The following ANO4 variants were observed in gnomAD, a reference collection of about 807,000 sequenced individuals.
ANO4 encodes the protein anoctamin 4.
Under a neutral mutation model 141.9 loss-of-function variants are expected in ANO4, and 69 were observed. That is an observed-to-expected ratio of 0.49 (90% CI 0.40 to 0.59). The LOEUF (loss-of-function observed/expected upper bound fraction) is 0.59. Among genes scored for constraint, ANO4 ranks in the 20% least tolerant of loss-of-function variants. The probability of loss-of-function intolerance (pLI) is 0.00; values close to 1 mark genes in which losing one functional copy is unlikely to be tolerated. For missense variants in ANO4, 894 were observed against 1,162.2 expected, an observed-to-expected ratio of 0.77 and a Z score of 3.36; for synonymous variants, 350 against 394.3, an observed-to-expected ratio of 0.89 and a Z score of 1.33.
chr12:100,759,544 A>G (rs901283304), intron 3 of ANO4, among the ~76,000 whole-genome samples: 6 of 152,206 alleles, frequency 3.9e-5, no homozygotes, highest in African/African-American at 9.6e-5. Flanking sequence ...CTAACTTGGT[A>G]AGACCCGAGA....
intron 1 of ANO4, among the ~76,000 whole-genome samples, chr12:100,813,382 G>T (rs2035557751): frequency 6.6e-6 from 1 of 152,126 alleles, no homozygotes; most frequent in East Asian, 1.9e-4. Flanking sequence ...AGGTTTGAAG[G>T]GAATGAATTC....
chr12:100,854,136 T>G (rs2135861933), intron 1 of ANO4, among the ~76,000 whole-genome samples: 1 of 152,310 alleles, frequency 6.6e-6, no homozygotes, highest in South Asian at 2.1e-4. Flanking sequence ...ATGAATATAG[T>G]GTTGCTAAGT....
chr12:100,725,912 A>G (rs1030089350), intron 1 of ANO4, among the ~76,000 whole-genome samples: 1 of 152,138 alleles, frequency 6.6e-6, no homozygotes, highest in African/African-American at 2.4e-5. Context: ...TTAACCCTCC[A>G]GGTGCCATTA....
rs150373584 is a variant in ANO4, at chr12:101,036,406, T to C, written c.842-689T>C. 2.1e-3 allele frequency among the ~76,000 whole-genome samples: 322 copies of C among 152,332 alleles called. 2 individuals carry two copies. Among genetic ancestry groups the C allele is most frequent in the African/African-American group, 6.6e-3 (273 of 41,582 alleles). On this transcript the variant is annotated intron_variant, in intron 9 of 27. Coordinates refer to ENST00000392977, the MANE Select transcript of ANO4 (RefSeq NM_001286615.2). Reference sequence around the variant, plus strand: ...AGAGATATCTGCACGTCCATGTTCATTGCAGCATTATTTACAATAGCCAAG... The same window carrying C: ...AGAGATATCTGCACGTCCATGTTCACTGCAGCATTATTTACAATAGCCAAG...
chr12:101,071,692 A>G (rs2048818050), intron 14 of ANO4, among the ~76,000 whole-genome samples: 2 of 152,158 alleles, frequency 1.3e-5, no homozygotes. Flanking sequence ...AACTAAAATA[A>G]TATAACTGGA....
chr12:100,748,334 A>C (rs1349905680), intron 3 of ANO4, among the ~76,000 whole-genome samples: 1 of 152,180 alleles, frequency 6.6e-6, no homozygotes, highest in Non-Finnish European at 1.5e-5. Flanking sequence ...TGATGTGACC[A>C]CGAGATGCAG....
At chr12:101,035,673 C>T (rs1054325647) in intron 9 of ANO4, among the ~76,000 whole-genome samples, 5 of 152,166 alleles carry the variant, frequency 3.3e-5, no homozygotes, top group African/African-American at 1.2e-4. Flanking sequence ...CATAATGAAG[C>T]TTCTGAATGA....
chr12:100,789,585 T>A (rs1267682882), intron 3 of ANO4, among the ~76,000 whole-genome samples: 2 of 152,248 alleles, frequency 1.3e-5, no homozygotes, highest in African/African-American at 4.8e-5. Context: ...GGACAAGTTT[T>A]ATGCTTCTCA....
intron 1 of ANO4, among the ~76,000 whole-genome samples, chr12:100,807,532 G>A (rs1338363304): frequency 6.6e-6 from 1 of 152,054 alleles, no homozygotes; most frequent in Non-Finnish European, 1.5e-5. Context: ...TTGGAGAAAG[G>A]GTTAAATTAA....
At chr12:100,914,199 T>C (rs1368507019) in intron 2 of ANO4, among the ~76,000 whole-genome samples, 1 of 152,248 alleles carries the variant, frequency 6.6e-6, no homozygotes, top group Non-Finnish European at 1.5e-5. Context: ...GATCATGATC[T>C]TACCAATCCT....
At chr12:100,770,687 C>T (rs1341198780) in intron 3 of ANO4, among the ~76,000 whole-genome samples, 12 of 152,090 alleles carry the variant, frequency 7.9e-5, no homozygotes, top group East Asian at 7.7e-4. Flanking sequence ...ATATTTAACC[C>T]CCTGTTTCTG....
chr12:101,123,393 C>G (rs1207364059), intron 26 of ANO4, among the ~76,000 whole-genome samples: 2 of 152,158 alleles, frequency 1.3e-5, no homozygotes, highest in Admixed American at 1.3e-4. Flanking sequence ...CCACGGTCAT[C>G]TGCTGCACAG....
rs748480361 is a variant in ANO4, at chr12:101,086,692, C to T, written c.1569C>T (p.Ile523=). 3 of 1,613,668 alleles carry T rather than the reference C, an allele frequency of 1.9e-6. No individual in the cohort carries two copies. The highest frequency in any genetic ancestry group is 1.3e-5 in the African/African-American group (1 of 74,884). The change falls in exon 17 of 28, where the codon ATC becomes ATT. Residue 523 remains isoleucine (I), a synonymous_variant. Coordinates refer to ENST00000392977, the MANE Select transcript of ANO4 (RefSeq NM_001286615.2). ...ICVVIAAVFG[I]VIYRVVTVST... is the part of the protein sequence containing the mutation. ...TGGTGATTGCTGCCGTGTTCGGGAT[C>T]GTCATTTACCGGGTGGTGACTGTCA...
At chr12:100,953,548 T>C (rs553188690) in intron 5 of ANO4, among the ~76,000 whole-genome samples, 1 of 152,370 alleles carries the variant, frequency 6.6e-6, no homozygotes, top group Admixed American at 6.5e-5. Flanking sequence ...CATTTCCAGA[T>C]GAAGTAATTC....
chr12:101,035,458 G>A (rs1355873185), intron 9 of ANO4, among the ~76,000 whole-genome samples: 2 of 152,064 alleles, frequency 1.3e-5, no homozygotes, highest in Admixed American at 1.3e-4. Context: ...TCGTACTGAT[G>A]GTCTTATGAG....
At chr12:100,926,821 A>G (rs1197260682) in intron 3 of ANO4, among the ~76,000 whole-genome samples, 2 of 152,040 alleles carry the variant, frequency 1.3e-5, no homozygotes, top group Non-Finnish European at 2.9e-5. Flanking sequence ...AGAAATTGCA[A>G]GAGAGATGCC....
chr12:100,726,227 C>A (rs2031110900), intron 1 of ANO4, among the ~76,000 whole-genome samples: 1 of 152,040 alleles, frequency 6.6e-6, no homozygotes, highest in Non-Finnish European at 1.5e-5. Context: ...CTGTGTTAAA[C>A]TTCAGTAAAA....
chr12:100,982,387 GGTTA>G (rs2044507102), intron 7 of ANO4, among the ~76,000 whole-genome samples: 1 of 152,164 alleles, frequency 6.6e-6, no homozygotes, highest in African/African-American at 2.4e-5. Context: ...GGTGCTTTCT[GGTTA>G]GTTGGTTTCC....
At chr12:101,032,658 G>T (rs1037737850) in intron 9 of ANO4, among the ~76,000 whole-genome samples, 12 of 151,690 alleles carry the variant, frequency 7.9e-5, no homozygotes, top group Admixed American at 3.3e-4. Flanking sequence ...GTGGGTGAAG[G>T]ACATGAACAG....
Sources: allele counts gnomAD v4.1 joint callset (sites outside exome capture counted in the v4.1 genomes callset), GRCh38; gene constraint gnomAD v4.1.1; transcripts MANE v1.5; gene names NCBI Gene and HGNC (gene_info 2026-07-23, HGNC 2026-07-21).